Variants in LRRC4C observed in about 807,000 individuals in gnomAD.
The protein encoded by LRRC4C is leucine-rich repeat-containing protein 4C.
Under a neutral mutation model 33.6 loss-of-function variants are expected in LRRC4C, and 5 were observed. The observed-to-expected ratio is 0.15, with a 90% confidence interval of 0.08 to 0.31. LRRC4C has a LOEUF of 0.31. Among genes scored for constraint, LRRC4C ranks in the 10% least tolerant of loss-of-function variants. The probability of loss-of-function intolerance (pLI) is 1.00; values close to 1 mark genes in which losing one functional copy is unlikely to be tolerated. For synonymous variants in LRRC4C, 329 were observed against 302.0 expected (o/e 1.09, Z -0.93); for missense variants, 560 against 796.7 (o/e 0.70, Z 3.58).
At chr11:41,280,683 G>A (rs138641881) in intron 1 of LRRC4C, among the ~76,000 whole-genome samples, 325 of 152,188 alleles carry the variant, frequency 2.1e-3, no homozygotes, top group African/African-American at 7.5e-3. Flanking sequence ...GCATATTATT[G>A]TTCTCTCCAT....
chr11:41,404,427 C>T (rs978228895), intron 1 of LRRC4C, among the ~76,000 whole-genome samples: 1 of 151,500 alleles, frequency 6.6e-6, no homozygotes, highest in Non-Finnish European at 1.5e-5. Flanking sequence ...CTGGTCTGGG[C>T]AGCATCAGGG....
At chr11:40,582,791 A>T (rs918063797) in intron 3 of LRRC4C, among the ~76,000 whole-genome samples, 3 of 151,874 alleles carry the variant, frequency 2.0e-5, no homozygotes, top group Non-Finnish European at 1.5e-5. Context: ...TGCTGGGATT[A>T]CAGGCGTGAG....
At chr11:40,829,024 T>C (rs117162000) in intron 2 of LRRC4C, among the ~76,000 whole-genome samples, 1,669 of 152,050 alleles carry the variant, frequency 0.011, 13 homozygotes, top group Non-Finnish European at 0.017. Context: ...ACAAAAAACT[T>C]GGTTAGAATT....
At chr11:40,545,116 CA>C (rs1312053724) in intron 3 of LRRC4C, among the ~76,000 whole-genome samples, 1 of 151,806 alleles carries the variant, frequency 6.6e-6, no homozygotes, top group Non-Finnish European at 1.5e-5. Flanking sequence ...ATCACCCAAG[CA>C]AAAAACATCA....
intron 1 of LRRC4C, among the ~76,000 whole-genome samples, chr11:40,992,246 A>G (rs892148339): frequency 2.6e-4 from 39 of 152,156 alleles, no homozygotes; most frequent in Admixed American, 2.6e-3. Context: ...CTATTAAACT[A>G]GACAACTGTA....
chr11:40,433,371 A>C (rs1450832888), intron 3 of LRRC4C, among the ~76,000 whole-genome samples: 1 of 144,206 alleles, frequency 6.9e-6, no homozygotes, highest in Non-Finnish European at 1.5e-5. Flanking sequence ...AGACACAAAA[A>C]GGTATTTTAA....
chr11:40,880,061 C>T (rs955710435), intron 2 of LRRC4C, among the ~76,000 whole-genome samples: 3 of 152,082 alleles, frequency 2.0e-5, no homozygotes, highest in African/African-American at 7.2e-5. Flanking sequence ...CGGACGCTCA[C>T]ATTTGAAACC....
At chr11:40,494,840 G>A (rs1014432973) in intron 3 of LRRC4C, among the ~76,000 whole-genome samples, 1 of 152,110 alleles carries the variant, frequency 6.6e-6, no homozygotes. Context: ...GCAATTTAAT[G>A]CTCCAAATAA....
chr11:41,074,958 A>G (rs551470825), intron 1 of LRRC4C, among the ~76,000 whole-genome samples: 1 of 151,082 alleles, frequency 6.6e-6, no homozygotes, highest in Admixed American at 6.6e-5. Flanking sequence ...GGAAGGAGTT[A>G]TGCTGAATGC....
chr11:41,414,350 T>A (rs538271694), intron 1 of LRRC4C, among the ~76,000 whole-genome samples: 5 of 152,300 alleles, frequency 3.3e-5, no homozygotes, highest in African/African-American at 9.6e-5. Context: ...AAACCATTTC[T>A]TTACTATGCC....
At chr11:40,465,538 G>T (rs901296016) in intron 3 of LRRC4C, among the ~76,000 whole-genome samples, 1 of 151,930 alleles carries the variant, frequency 6.6e-6, no homozygotes, top group Admixed American at 6.6e-5. Context: ...GAAACTATTT[G>T]CAAACTATGC....
chr11:40,871,302 G>A (rs756940933), intron 2 of LRRC4C, among the ~76,000 whole-genome samples: 10 of 151,902 alleles, frequency 6.6e-5, no homozygotes, highest in Non-Finnish European at 1.5e-4. Flanking sequence ...GACCCACACC[G>A]TATTCGTACA....
chr11:41,335,286 C>T (rs1435176400), intron 1 of LRRC4C, among the ~76,000 whole-genome samples: 1 of 152,092 alleles, frequency 6.6e-6, no homozygotes, highest in African/African-American at 2.4e-5. Context: ...GACCAGTAAA[C>T]TAAAAATATT....
At chr11:41,276,228 T>C (rs1949479170) in intron 1 of LRRC4C, among the ~76,000 whole-genome samples, 1 of 152,178 alleles carries the variant, frequency 6.6e-6, no homozygotes. Context: ...ATAAGAAGTG[T>C]GAGTCTTGAC....
intron 3 of LRRC4C, among the ~76,000 whole-genome samples, chr11:40,552,108 C>A (rs1957147837): frequency 6.6e-6 from 1 of 152,158 alleles, no homozygotes; most frequent in South Asian, 2.1e-4. Flanking sequence ...GCAGGCCTAC[C>A]TTGCATATTT....
At chr11:40,816,846 A>G (rs1032333587) in intron 2 of LRRC4C, among the ~76,000 whole-genome samples, 4 of 152,156 alleles carry the variant, frequency 2.6e-5, no homozygotes, top group African/African-American at 9.7e-5. Flanking sequence ...AATCTTTTGC[A>G]AAAGATATTA....
At chr11:40,764,637 T>A (rs1949367035) in intron 2 of LRRC4C, among the ~76,000 whole-genome samples, 1 of 152,118 alleles carries the variant, frequency 6.6e-6, no homozygotes, top group Non-Finnish European at 1.5e-5. Context: ...AGCTAGGCAT[T>A]GGTCACTGCA....
chr11:40,475,951 A>G (rs1006646069), intron 3 of LRRC4C, among the ~76,000 whole-genome samples: 8 of 152,142 alleles, frequency 5.3e-5, no homozygotes, highest in African/African-American at 1.9e-4. Flanking sequence ...GTGAGACTCA[A>G]TAATTTTTTG....
At chr11:41,384,601 GT>G (rs1232940454) in intron 1 of LRRC4C, among the ~76,000 whole-genome samples, 2 of 151,324 alleles carry the variant, frequency 1.3e-5, no homozygotes, top group Non-Finnish European at 3.0e-5. Context: ...AAATTCAATG[GT>G]AATGTTTAAA....
Sources: gnomAD v4.1 joint callset for allele counts (sites outside exome capture counted in the v4.1 genomes callset) on GRCh38, gnomAD v4.1.1 for gene constraint, MANE v1.5 for transcripts, NCBI Gene and HGNC (gene_info 2026-07-23, HGNC 2026-07-21) for gene names.